The following SCFD2 variants were observed in gnomAD, a reference collection of about 807,000 sequenced individuals.
The protein encoded by SCFD2 is sec1 family domain containing 2.
A neutral mutation model predicts 58.9 loss-of-function variants in SCFD2; 54 were observed. The observed-to-expected ratio is 0.92, with a 90% CI of 0.74 to 1.15. The LOEUF is 1.15. Among genes scored for constraint, SCFD2 ranks in the 50% most tolerant of loss-of-function variants. SCFD2 has a pLI of 0.00. For synonymous variants in SCFD2, 321 were observed against 335.9 expected (o/e 0.96, Z 0.49); for missense variants, 805 against 836.6 (o/e 0.96, Z 0.47).
At chr4:53,154,550 G>A (rs531308438) in intron 4 of SCFD2, among the ~76,000 whole-genome samples, 1 of 152,312 alleles carries the variant, frequency 6.6e-6, no homozygotes, top group African/African-American at 2.4e-5. Context: ...CATGAGATTT[G>A]GAGGGGGCAA....
intron 4 of SCFD2, among the ~76,000 whole-genome samples, chr4:53,181,590 G>C (rs1000208449): frequency 9.2e-5 from 14 of 152,000 alleles, no homozygotes; most frequent in Non-Finnish European, 2.1e-4. Flanking sequence ...CTTTGAAAAC[G>C]GGTACAAGAC....
intron 4 of SCFD2, among the ~76,000 whole-genome samples, chr4:53,170,332 C>T (rs1727143578): frequency 1.3e-5 from 2 of 152,260 alleles, no homozygotes; most frequent in Non-Finnish European, 2.9e-5. Context: ...TGGCAAAAAT[C>T]AATTTTCTGA....
intron 5 of SCFD2, among the ~76,000 whole-genome samples, chr4:53,132,334 ACATATGTTCTTCGTCAGAGTTTCCAG>A (rs1165113048): frequency 4.7e-4 from 72 of 152,374 alleles, no homozygotes; most frequent in African/African-American, 1.6e-3. Context: ...ATTTTGGCAG[ACATATGTTCTTCGTCAGAGTTTCCAG>A]CAGAAATCTT....
At chr4:53,246,005 T>C (rs1281584505) in intron 4 of SCFD2, among the ~76,000 whole-genome samples, 3 of 152,118 alleles carry the variant, frequency 2.0e-5, no homozygotes, top group Non-Finnish European at 4.4e-5. Context: ...AGTCACAGAA[T>C]TCAAAATCAG....
At chr4:53,254,573 A>G (rs1220370864) in intron 4 of SCFD2, among the ~76,000 whole-genome samples, 1 of 150,918 alleles carries the variant, frequency 6.6e-6, no homozygotes, top group Admixed American at 6.6e-5. Context: ...CCCTGACCTC[A>G]GGTGATCCAC....
At position 53,086,281 on chromosome 4, in the gene SCFD2, G is replaced by A. The variant is rs188556477; in HGVS notation, c.1561+59052C>T. ...AAATGGCAAACAGGCACATGAAAAG[G>A]TGTTCAATATCATTGATAATCAGAG... On this transcript the variant is annotated intron_variant, in intron 5 of 8. Coordinates refer to ENST00000401642, the MANE Select transcript of SCFD2 (RefSeq NM_152540.4). 2.0e-5 allele frequency among the ~76,000 whole-genome samples: 3 copies of A among 152,214 alleles called. No homozygotes were observed. The East Asian group carries it at 5.8e-4, about 29-fold the overall frequency.
intron 5 of SCFD2, among the ~76,000 whole-genome samples, chr4:52,993,355 A>T (rs1261295991): frequency 1.3e-5 from 2 of 152,112 alleles, no homozygotes; most frequent in Non-Finnish European, 2.9e-5. Flanking sequence ...ACCCTGCCAA[A>T]TCCCCCTCTC....
At chr4:52,916,388 G>A (rs1199124781) in intron 6 of SCFD2, among the ~76,000 whole-genome samples, 1 of 152,232 alleles carries the variant, frequency 6.6e-6, no homozygotes, top group South Asian at 2.1e-4. Flanking sequence ...TCGCCAACAT[G>A]GCGAAACCCT....
chr4:53,139,813 C>T (rs1726071893), intron 5 of SCFD2, among the ~76,000 whole-genome samples: 1 of 152,246 alleles, frequency 6.6e-6, no homozygotes, highest in Non-Finnish European at 1.5e-5. Context: ...GTTACTGTGT[C>T]TGTCTGGAAA....
intron 4 of SCFD2, among the ~76,000 whole-genome samples, chr4:53,166,200 T>C (rs975413866): frequency 6.6e-6 from 1 of 152,252 alleles, no homozygotes; most frequent in Non-Finnish European, 1.5e-5. Context: ...TTGTCTCTAC[T>C]TTTCAGATAT....
chr4:53,259,704 CT>C (rs1560417514), intron 4 of SCFD2, among the ~76,000 whole-genome samples: 1 of 152,046 alleles, frequency 6.6e-6, no homozygotes, highest in African/African-American at 2.4e-5. Flanking sequence ...TATGCGGGCT[CT>C]TTTTTGGTTC....
intron 3 of SCFD2, among the ~76,000 whole-genome samples, chr4:53,308,034 C>A (rs2149106286): frequency 6.6e-6 from 1 of 152,310 alleles, no homozygotes; most frequent in African/African-American, 2.4e-5. Context: ...CCAGCCCCAG[C>A]ATCACGAAGT....
intron 3 of SCFD2, among the ~76,000 whole-genome samples, chr4:53,282,589 A>T (rs2149078172): frequency 6.6e-6 from 1 of 152,278 alleles, no homozygotes; most frequent in Middle Eastern, 3.4e-3. Context: ...GTATAATTTC[A>T]AAACATTTTT....
chr4:53,220,438 C>CAATT (rs1259899413), intron 4 of SCFD2, among the ~76,000 whole-genome samples: 2 of 152,180 alleles, frequency 1.3e-5, no homozygotes, highest in African/African-American at 4.8e-5. Flanking sequence ...CCACATGGAA[C>CAATT]AATTGACTAT....
intron 1 of SCFD2, among the ~76,000 whole-genome samples, chr4:53,358,058 G>T (rs1339327351): frequency 6.6e-6 from 1 of 152,170 alleles, no homozygotes; most frequent in Non-Finnish European, 1.5e-5. Flanking sequence ...ATTTACATAT[G>T]CAGAGTGCTG....
intron 1 of SCFD2, among the ~76,000 whole-genome samples, chr4:53,359,999 C>T (rs1196609444): frequency 1.3e-5 from 2 of 152,230 alleles, no homozygotes; most frequent in East Asian, 1.9e-4. Flanking sequence ...CCAGCTGCAT[C>T]CACACTAGCA....
chr4:53,059,877 A>T (rs1157323622), intron 5 of SCFD2, among the ~76,000 whole-genome samples: 1 of 152,158 alleles, frequency 6.6e-6, no homozygotes, highest in Non-Finnish European at 1.5e-5. Flanking sequence ...GCAATTTTGT[A>T]GTCAGGAATT....
intron 3 of SCFD2, among the ~76,000 whole-genome samples, chr4:53,284,768 T>C (rs555602931): frequency 2.0e-5 from 3 of 152,318 alleles, no homozygotes; most frequent in African/African-American, 7.2e-5. Context: ...TGAAACAATT[T>C]ATTAAAGGGG....
At chr4:53,107,402 A>G (rs1204810881) in intron 5 of SCFD2, among the ~76,000 whole-genome samples, 1 of 152,234 alleles carries the variant, frequency 6.6e-6, no homozygotes, top group Non-Finnish European at 1.5e-5. Context: ...TAAATGGGCC[A>G]AATGCCCCAA....
Sources: gnomAD v4.1 joint callset for allele counts (sites outside exome capture counted in the v4.1 genomes callset) on GRCh38, gnomAD v4.1.1 for gene constraint, MANE v1.5 for transcripts, NCBI Gene and HGNC (gene_info 2026-07-23, HGNC 2026-07-21) for gene names.